The following SGK1 variants were observed in gnomAD, a reference collection of about 807,000 sequenced individuals.
SGK1 encodes the protein serum/glucocorticoid regulated kinase 1.
In SGK1, 26 loss-of-function variants were observed where a neutral mutation model predicts 64.2. The observed-to-expected ratio is 0.40, with a 90% CI of 0.30 to 0.56. SGK1 has a LOEUF of 0.56. SGK1 is among the 20% of genes least tolerant of loss of function. The pLI is 0.38. For missense variants in SGK1, 519 were observed against 645.6 expected (o/e 0.80, Z 2.12); for synonymous variants, 265 against 239.7 (o/e 1.11, Z -0.98).
chr6:134,288,616 CTG>C (rs1208130828), intron 1 of SGK1, among the ~76,000 whole-genome samples: 1 of 152,162 alleles, frequency 6.6e-6, no homozygotes, highest in Non-Finnish European at 1.5e-5. Flanking sequence ...GAGGGAGCCT[CTG>C]TGAATCATAA....
intron 2 of SGK1, among the ~76,000 whole-genome samples, chr6:134,228,219 T>C: frequency 6.6e-6 from 1 of 152,170 alleles, no homozygotes; most frequent in Non-Finnish European, 1.5e-5. Flanking sequence ...CCTCCCAAAG[T>C]GCTGGGATTA....
At chr6:134,250,931 C>T (rs550789831) in intron 2 of SGK1, among the ~76,000 whole-genome samples, 7 of 152,084 alleles carry the variant, frequency 4.6e-5, no homozygotes, top group Admixed American at 2.6e-4. Flanking sequence ...CTACTATACA[C>T]GGCTAATTTA....
Position 134,172,781 on chromosome 6 carries a change from G to T in SGK1, c.835-7C>A. On this transcript the variant is annotated splice_polypyrimidine_tract_variant and splice_region_variant and intron_variant, in intron 8 of 13. Coordinates refer to ENST00000367858, the MANE Select transcript of SGK1 (RefSeq NM_001143676.3). ...TCTGGAGATGGTAGAACAACTGCAG[G>T]AGACAGAACAAAGTCATTCTGGGTT... The T allele has an allele frequency of 6.3e-7, 1 of 1,589,428 alleles. No homozygotes were observed. The highest frequency in any genetic ancestry group is 8.6e-7 in the Non-Finnish European group (1 of 1,157,574).
At chr6:134,231,571 T>C (rs1208534658) in intron 2 of SGK1, among the ~76,000 whole-genome samples, 1 of 152,218 alleles carries the variant, frequency 6.6e-6, no homozygotes, top group Non-Finnish European at 1.5e-5. Flanking sequence ...GCTCAATATT[T>C]TTATCCCAGT....
chr6:134,247,624 C>T (rs1369647142), intron 2 of SGK1, among the ~76,000 whole-genome samples: 1 of 152,112 alleles, frequency 6.6e-6, no homozygotes, highest in African/African-American at 2.4e-5. Context: ...TACGGTTATT[C>T]GTGTTTGGAT....
At position 134,236,318 on chromosome 6, in the gene SGK1, T is replaced by C. The variant is rs375004385; in HGVS notation, c.285+25615A>G. On this transcript the variant is annotated intron_variant, in intron 2 of 13. Transcript: ENST00000367858. The stretch of plus-strand genomic sequence containing the variant: ...ATGCTTCATTTGTTGTTTTCACCAA[T>C]AGCCCTAAATAAGTGGTTTTAAAAA... Among the ~76,000 whole-genome samples, 168 of 152,298 alleles carry C rather than the reference T, an allele frequency of 1.1e-3. 5 individuals carry two copies. The South Asian group carries it at 0.034, about 31-fold the overall frequency.
intron 2 of SGK1, among the ~76,000 whole-genome samples, chr6:134,218,952 C>A (rs1212011319): frequency 6.6e-6 from 1 of 151,988 alleles, no homozygotes; most frequent in African/African-American, 2.4e-5. Flanking sequence ...TGGAACACAG[C>A]TTTTCAATGT....
intron 13 of SGK1, 48 bp downstream of exon 13, chr6:134,170,778 A>G: frequency 8.3e-7 from 1 of 1,211,410 alleles, no homozygotes; most frequent in Non-Finnish European, 1.2e-6. Flanking sequence ...GAATTAAAAT[A>G]AATGCCCTTT....
intron 2 of SGK1, among the ~76,000 whole-genome samples, chr6:134,259,103 GCTAT>G (rs1776725619): frequency 6.6e-6 from 1 of 152,196 alleles, no homozygotes; most frequent in Non-Finnish European, 1.5e-5. Flanking sequence ...TGATTTACCT[GCTAT>G]CTAAGATAAA....
chr6:134,209,999 A>G (rs2114688911), intron 2 of SGK1, among the ~76,000 whole-genome samples: 1 of 152,284 alleles, frequency 6.6e-6, no homozygotes, highest in East Asian at 1.9e-4. Flanking sequence ...TTGACGAAGG[A>G]AGCAGTGCAT....
intron 2 of SGK1, among the ~76,000 whole-genome samples, chr6:134,221,414 C>T (rs1289524102): frequency 6.6e-6 from 1 of 152,178 alleles, no homozygotes; most frequent in Non-Finnish European, 1.5e-5. Context: ...TGAGCCCTCA[C>T]CCTGGAATGT....
At chr6:134,219,785 C>T (rs1454963279) in intron 2 of SGK1, among the ~76,000 whole-genome samples, 3 of 146,402 alleles carry the variant, frequency 2.0e-5, no homozygotes, top group African/African-American at 7.5e-5. Flanking sequence ...AGAGGCCGGG[C>T]GCGGTGGCTC....
At chr6:134,269,948 T>C (rs949654240) in intron 1 of SGK1, among the ~76,000 whole-genome samples, 5 of 146,202 alleles carry the variant, frequency 3.4e-5, no homozygotes, top group African/African-American at 1.2e-4. Flanking sequence ...TGAGACGGAG[T>C]TGTACTTTTG....
intron 1 of SGK1, chr6:134,298,724 G>T: frequency 1.6e-6 from 1 of 617,788 alleles, no homozygotes; most frequent in Non-Finnish European, 2.7e-6. Flanking sequence ...AGGCAGGCGG[G>T]CTGAACCAGG....
chr6:134,206,746 AG>A (rs1775792896), intron 3 of SGK1, among the ~76,000 whole-genome samples: 3 of 151,640 alleles, frequency 2.0e-5, no homozygotes, highest in Non-Finnish European at 4.4e-5. Context: ...TCATGCCTGT[AG>A]TCCCAGCTAC....
intron 3 of SGK1, among the ~76,000 whole-genome samples, chr6:134,181,919 G>A (rs1298716330): frequency 1.3e-5 from 2 of 151,902 alleles, no homozygotes; most frequent in Admixed American, 6.6e-5. Flanking sequence ...GTGCAGTGGC[G>A]CAATCTTGGC....
chr6:134,187,123 A>G (rs1448900805), intron 3 of SGK1, among the ~76,000 whole-genome samples: 1 of 151,984 alleles, frequency 6.6e-6, no homozygotes, highest in East Asian at 1.9e-4. Flanking sequence ...GCAGACATAC[A>G]CTTCTTTATC....
rs138679328 is a variant in SGK1, at chr6:134,255,343, A to T, written c.285+6590T>A. On this transcript the variant is annotated intron_variant, in intron 2 of 13. Coordinates refer to ENST00000367858, the MANE Select transcript of SGK1 (RefSeq NM_001143676.3). ...ATCTCAGTTATCACATAAGCAAGTA[A>T]TTATCTGGGGTAGATGTGGAGACAT... Among the ~76,000 whole-genome samples, 489 of 152,228 alleles carry T rather than the reference A, an allele frequency of 3.2e-3. 1 individual carries two copies. The highest frequency in any genetic ancestry group is 9.2e-3 in the African/African-American group (381 of 41,548).
At chr6:134,172,097 G>A in intron 10 of SGK1, 96 bp downstream of exon 10, 1 of 1,340,598 alleles carries the variant, frequency 7.5e-7, no homozygotes, top group Non-Finnish European at 1.0e-6. Flanking sequence ...AAGTCTCTGA[G>A]AGGAGTTTAC....
Sources: allele counts gnomAD v4.1 joint callset (sites outside exome capture counted in the v4.1 genomes callset), GRCh38; gene constraint gnomAD v4.1.1; transcripts MANE v1.5; gene names NCBI Gene and HGNC (gene_info 2026-07-23, HGNC 2026-07-21).